GBE1: variants seen among roughly 807,000 people sequenced by gnomAD.
GBE1 encodes 1,4-alpha-glucan-branching enzyme.
In GBE1, 70 loss-of-function variants were observed where a neutral mutation model predicts 88.8. The observed-to-expected ratio is 0.79, with a 90% CI of 0.65 to 0.96. GBE1 has a LOEUF of 0.96. GBE1 is among the 40% of genes least tolerant of loss of function. The pLI is 0.00. For synonymous variants in GBE1, 284 were observed against 300.1 expected, an observed-to-expected ratio of 0.95 and a Z score of 0.56; for missense variants, 872 against 871.0, an observed-to-expected ratio of 1.00 and a Z score of -0.01.
intron 9 of GBE1, among the ~76,000 whole-genome samples, chr3:81,589,572 T>C (rs1576160749): frequency 6.6e-6 from 1 of 151,710 alleles, no homozygotes; most frequent in Non-Finnish European, 1.5e-5. Flanking sequence ...CAAAGTTTCA[T>C]TGGTAGAAAC....
intron 7 of GBE1, among the ~76,000 whole-genome samples, chr3:81,631,407 C>T (rs547559470): frequency 3.9e-5 from 6 of 151,966 alleles, no homozygotes; most frequent in East Asian, 1.9e-4. Flanking sequence ...CACAGTAGAC[C>T]GGTAACTTTA....
intron 11 of GBE1, among the ~76,000 whole-genome samples, chr3:81,580,735 C>G (rs944410586): frequency 3.9e-5 from 6 of 151,972 alleles, no homozygotes; most frequent in African/African-American, 1.4e-4. Flanking sequence ...GGTCAATTAG[C>G]AGGAGATTTC....
At chr3:81,605,280 C>T (rs1427555195) in intron 7 of GBE1, among the ~76,000 whole-genome samples, 2 of 152,086 alleles carry the variant, frequency 1.3e-5, no homozygotes, top group Non-Finnish European at 2.9e-5. Flanking sequence ...TAACAATCTA[C>T]CCATATTGCT....
chr3:81,624,318 G>A (rs1704373783), intron 7 of GBE1, among the ~76,000 whole-genome samples: 1 of 152,110 alleles, frequency 6.6e-6, no homozygotes, highest in Non-Finnish European at 1.5e-5. Flanking sequence ...GGAGATTATG[G>A]GGATTATGGA....
At chr3:81,642,489 A>C (rs995768844) in intron 7 of GBE1, 2 of 243,844 alleles carry the variant, frequency 8.2e-6, no homozygotes, top group African/African-American at 2.3e-5. Flanking sequence ...CAAATTGATA[A>C]AGTGGCCTTT....
At chr3:81,730,894 C>T (rs1706176485) in intron 1 of GBE1, among the ~76,000 whole-genome samples, 1 of 152,092 alleles carries the variant, frequency 6.6e-6, no homozygotes, top group Admixed American at 6.6e-5. Context: ...CTCTGTTTTG[C>T]TGTGCTACCT....
intron 7 of GBE1, among the ~76,000 whole-genome samples, chr3:81,598,405 A>AC (rs946529103): frequency 0.029 from 5 of 170 alleles, no homozygotes; most frequent in African/African-American, 0.083. Flanking sequence ...ATAGAATGCC[A>AC]AAAAAGTCTT....
chr3:81,627,962 C>T (rs948813593), intron 7 of GBE1, among the ~76,000 whole-genome samples: 2 of 151,742 alleles, frequency 1.3e-5, no homozygotes, highest in African/African-American at 4.8e-5. Context: ...ATTGCTTGGC[C>T]ACATATTTTT....
intron 14 of GBE1, among the ~76,000 whole-genome samples, chr3:81,506,457 A>G (rs973989956): frequency 2.0e-5 from 3 of 152,184 alleles, no homozygotes; most frequent in Admixed American, 6.5e-5. Flanking sequence ...CATTAGTAGG[A>G]AAGATATATT....
chr3:81,708,595 T>C (rs1463490465), intron 1 of GBE1, among the ~76,000 whole-genome samples: 1 of 152,152 alleles, frequency 6.6e-6, no homozygotes, highest in Non-Finnish European at 1.5e-5. Context: ...GAAAACAATT[T>C]GGCAACAGCT....
At chr3:81,643,013 A>C in intron 6 of GBE1, 23 bp from the exon 7 acceptor site, 1 of 1,504,996 alleles carries the variant, frequency 6.6e-7, no homozygotes, top group Non-Finnish European at 9.2e-7. Context: ...AACACAGCAA[A>C]AAGAAGATTA....
Position 81,750,659 on chromosome 3 carries a change from G to GTATATATGTGTGTATA in GBE1, c.143+10715_143+10716insTATACACACATATATA, listed in dbSNP as rs1706511983. ...TATATATATATGTATATATATATATGTATATATATATATACGTATATATAT... is the reference window on the plus strand; with the variant it reads ...TATATATATATGTATATATATATATGTATATATGTGTGTATATATATATATATATACGTATATATAT... On this transcript the variant is annotated intron_variant, in intron 1 of 15. Coordinates refer to ENST00000429644, the MANE Select transcript of GBE1 (RefSeq NM_000158.4). 8.5e-5 allele frequency among the ~76,000 whole-genome samples: 3 copies of GTATATATGTGTGTATA among 35,306 alleles called. 1 individual carries two copies. Among genetic ancestry groups the GTATATATGTGTGTATA allele is most frequent in the African/African-American group, 6.5e-4 (3 of 4,648 alleles). 23.2% of individuals were successfully genotyped at this position (35,306 alleles called of 152,430 possible). A position where few individuals can be genotyped will look rare whatever the true frequency, so the allele number is the denominator to read the frequency against.
intron 11 of GBE1, among the ~76,000 whole-genome samples, chr3:81,580,309 TAGAA>T (rs1167224915): frequency 6.6e-6 from 1 of 151,916 alleles, no homozygotes; most frequent in Non-Finnish European, 1.5e-5. Context: ...AGGCTGGAAA[TAGAA>T]AGACAATGAA....
chr3:81,751,968 T>G (rs1706533623), intron 1 of GBE1, among the ~76,000 whole-genome samples: 1 of 152,192 alleles, frequency 6.6e-6, no homozygotes, highest in Non-Finnish European at 1.5e-5. Context: ...TGCTGGGTAT[T>G]TGGAAAACTT....
chr3:81,679,979 G>T (rs530696203), intron 2 of GBE1, among the ~76,000 whole-genome samples: 1 of 152,092 alleles, frequency 6.6e-6, no homozygotes, highest in Non-Finnish European at 1.5e-5. Context: ...CTATCTGGCC[G>T]CGCTTTCTCC....
At chr3:81,527,824 C>T (rs1702963138) in intron 14 of GBE1, among the ~76,000 whole-genome samples, 1 of 151,992 alleles carries the variant, frequency 6.6e-6, no homozygotes, top group Admixed American at 6.6e-5. Flanking sequence ...CCTCAGGCAT[C>T]TAGAATGAGA....
intron 7 of GBE1, among the ~76,000 whole-genome samples, chr3:81,635,508 C>T (rs1704579926): frequency 6.6e-6 from 1 of 152,070 alleles, no homozygotes; most frequent in Non-Finnish European, 1.5e-5. Flanking sequence ...TGCAGCATAA[C>T]ACTAAGGAAA....
rs576717799 is a variant in GBE1, at chr3:81,685,584, G to A, written c.314-14631C>T. On this transcript the variant is annotated intron_variant, in intron 2 of 15. Transcript: ENST00000429644. Reference sequence around the variant, plus strand: ...TTTAGTAGAGACAGGGTTTCACCACGTTGGCCAGGCTAGTCTTGAACTCCT... The same window carrying A: ...TTTAGTAGAGACAGGGTTTCACCACATTGGCCAGGCTAGTCTTGAACTCCT... Among the ~76,000 whole-genome samples, 6 of 152,130 alleles carry A rather than the reference G, an allele frequency of 3.9e-5. No homozygotes were observed. In the South Asian group the frequency reaches 8.3e-4, roughly 21 times the overall value.
intron 14 of GBE1, among the ~76,000 whole-genome samples, chr3:81,522,412 G>C (rs534972768): frequency 4.0e-5 from 6 of 151,556 alleles, no homozygotes. Flanking sequence ...TGGGAGGGTG[G>C]AGCAGAGTAC....
Sources: gnomAD v4.1 joint callset for allele counts (sites outside exome capture counted in the v4.1 genomes callset) on GRCh38, gnomAD v4.1.1 for gene constraint, MANE v1.5 for transcripts, NCBI Gene and HGNC (gene_info 2026-07-23, HGNC 2026-07-21) for gene names.